Variants in WDR72 observed in about 807,000 individuals in gnomAD.
WDR72 encodes the protein WD repeat-containing protein 72.
WDR72 carries 120 observed loss-of-function variants against 124.2 expected under a neutral mutation model. The ratio of observed to expected loss-of-function variants is 0.97; its 90% confidence interval spans 0.83 to 1.12. The LOEUF is 1.12. Ranked by LOEUF, WDR72 falls within the 50% of genes most tolerant of loss-of-function variation. The pLI is 0.00. For missense variants in WDR72, 1,387 were observed against 1,278.8 expected (o/e 1.08, Z -1.29); for synonymous variants, 452 against 441.7 (o/e 1.02, Z -0.29).
rs1260103177 is a variant in WDR72 at position 53,733,242 on chromosome 15, A to G, written c.-12-81T>C. The G allele has an allele frequency of 2.0e-6, 3 of 1,474,792 alleles. No homozygotes were observed. The African/African-American group carries it at 4.2e-5, about 21-fold the overall frequency. The allele number at this position is 1,474,792 out of a possible 1,614,324, so 91.4% of individuals were successfully genotyped here. On this transcript the variant is annotated intron_variant, in intron 1 of 19. Transcript: ENST00000360509. ...AACCGATAATATTACAAGCAGATTT[A>G]TGATGACCAAACTTCAATGATGTGT...
In WDR72 at chr15:53,615,438, C is replaced by A. The variant is rs767217476; in HGVS notation, c.2768G>T (p.Cys923Phe). 1 of 1,609,896 alleles carries A rather than the reference C, an allele frequency of 6.2e-7. No individual in the cohort carries two copies. The highest frequency in any genetic ancestry group is 1.3e-5 in the African/African-American group (1 of 74,716). The change falls in exon 15 of 20, where the codon TGT becomes TTT. Residue 923 changes from cysteine to phenylalanine, a missense_variant. Physicochemically the swap from Cys to Phe is radical, Grantham distance 205 (BLOSUM62 -2). Transcript: ENST00000360509. ...AGGTATGTCTTACCTGCCAACTCTA[C>A]ATGCCAATTCTAAAGGCATGTTAAC... ...KLVNMPLELA[C>F]RVGSSFRMES...
intron 14 of WDR72, among the ~76,000 whole-genome samples, chr15:53,622,125 C>T (rs906201423): frequency 6.6e-6 from 1 of 151,820 alleles, no homozygotes; most frequent in Non-Finnish European, 1.5e-5. Flanking sequence ...CAAGAAACAA[C>T]AGATAATAGC....
rs530730379 is a variant in WDR72 at position 53,687,141 on chromosome 15, A to G, written c.1765+12609T>C. On this transcript the variant is annotated intron_variant, in intron 13 of 19. Transcript: ENST00000360509. ...TCCAAAATTGACACCCTAACATCAC[A>G]ATTAAAAGAACTAGAAAAGCAAGAG... 3.4e-5 allele frequency among the ~76,000 whole-genome samples: 5 copies of G among 148,908 alleles called. No homozygotes were observed. The South Asian group carries it at 1.1e-3, about 33-fold the overall frequency.
intron 18 of WDR72, among the ~76,000 whole-genome samples, chr15:53,596,428 C>T (rs925043650): frequency 6.6e-6 from 1 of 151,958 alleles, no homozygotes; most frequent in African/African-American, 2.4e-5. Flanking sequence ...TAGGAAGTGA[C>T]AGTGACGAAG....
chr15:53,589,850 A>G (rs1449888920), intron 18 of WDR72, among the ~76,000 whole-genome samples: 1 of 152,058 alleles, frequency 6.6e-6, no homozygotes, highest in Admixed American at 6.6e-5. Context: ...CTACTTTTAG[A>G]AAAGAGCAGT....
chr15:53,694,092 C>T (rs1281879382), intron 13 of WDR72, among the ~76,000 whole-genome samples: 1 of 152,132 alleles, frequency 6.6e-6, no homozygotes, highest in African/African-American at 2.4e-5. Flanking sequence ...GTCTGGAATC[C>T]ACCATGGATA....
chr15:53,695,609 C>T (rs1017898892), intron 13 of WDR72, among the ~76,000 whole-genome samples: 1 of 152,136 alleles, frequency 6.6e-6, no homozygotes, highest in African/African-American at 2.4e-5. Context: ...AACCTGGCAG[C>T]GCCACATTTT....
chr15:53,687,557 G>C (rs1333837394), intron 13 of WDR72, among the ~76,000 whole-genome samples: 3 of 150,768 alleles, frequency 2.0e-5, no homozygotes, highest in Non-Finnish European at 4.4e-5. Context: ...ATCTGAAATT[G>C]TGGCAATAAT....
chr15:53,647,646 GCT>G (rs1318782512), intron 14 of WDR72, among the ~76,000 whole-genome samples: 2 of 152,038 alleles, frequency 1.3e-5, no homozygotes, highest in African/African-American at 4.8e-5. Flanking sequence ...TGCTTCATTA[GCT>G]CTGTCTCTGT....
chr15:53,540,392 G>A (rs894852007), intron 18 of WDR72, among the ~76,000 whole-genome samples: 4 of 152,100 alleles, frequency 2.6e-5, no homozygotes, highest in Non-Finnish European at 5.9e-5. Context: ...AATGGAACTA[G>A]CACAGAAAAC....
At chr15:53,614,202 T>C (rs923095471) in intron 15 of WDR72, among the ~76,000 whole-genome samples, 8 of 152,176 alleles carry the variant, frequency 5.3e-5, no homozygotes, top group African/African-American at 1.7e-4. Flanking sequence ...ATAGGAATCT[T>C]CCGAAACTGC....
At chr15:53,541,203 C>CA (rs1021832061) in intron 18 of WDR72, 4 of 153,120 alleles carry the variant, frequency 2.6e-5, no homozygotes, top group Non-Finnish European at 5.8e-5. Context: ...CACAGACAAA[C>CA]AAAAAGACAG....
rs2017717982 is a variant in WDR72 at position 53,716,641 on chromosome 15, T to G, written c.305A>C (p.Lys102Thr). Reference protein sequence around the residue: ...WNVTNGQCMEKATLPYRHTAI... With the variant: ...WNVTNGQCMETATLPYRHTAI... ...AGTGTGCCTGTAAGGAAGTGTAGCC[T>G]TCTCCATGCACTGTCCATTGGTGAC... The change falls in exon 4 of 20, where the codon AAG becomes ACG. Residue 102 changes from lysine (K) to threonine (T), a missense_variant. Physicochemically the swap from Lys to Thr is moderately conservative, Grantham distance 78 (BLOSUM62 -1). Transcript: ENST00000360509. 1 of 1,610,126 alleles carries G rather than the reference T, an allele frequency of 6.2e-7. No homozygotes were observed. The highest frequency in any genetic ancestry group is 8.5e-7 in the Non-Finnish European group (1 of 1,176,352).
chr15:53,541,304 G>C (rs566012708), intron 18 of WDR72, among the ~76,000 whole-genome samples: 52 of 152,286 alleles, frequency 3.4e-4, no homozygotes, highest in Middle Eastern at 3.4e-3. Flanking sequence ...CTGAGAACGG[G>C]CAGACTGCCT....
chr15:53,708,405 G>A (rs1232445728), intron 9 of WDR72, among the ~76,000 whole-genome samples: 1 of 152,110 alleles, frequency 6.6e-6, no homozygotes, highest in Non-Finnish European at 1.5e-5. Context: ...ATTGGTGTGA[G>A]GATTAATGAG....
intron 3 of WDR72, among the ~76,000 whole-genome samples, chr15:53,720,181 C>A (rs114910950): frequency 0.021 from 3,222 of 151,280 alleles, 115 homozygotes; most frequent in African/African-American, 0.073. Flanking sequence ...TTTTTTATTT[C>A]TTTTGTCTAT....
rs74017472 is a variant in WDR72, at chr15:53,595,964, G to C, written c.3148+1115C>G. 6.4e-3 allele frequency among the ~76,000 whole-genome samples: 970 copies of C among 152,116 alleles called. 9 individuals carry two copies. The highest frequency in any genetic ancestry group is 0.022 in the African/African-American group (928 of 41,522). On this transcript the variant is annotated intron_variant, in intron 18 of 19. Transcript: ENST00000360509. ...CATTAAAACATATTCTACCTGTTTT[G>C]ATCTCTGGCCTTCACTAAATATGCC...
chr15:53,652,024 A>T (rs2015261376), intron 14 of WDR72: 1 of 152,158 alleles, frequency 6.6e-6, no homozygotes, highest in Non-Finnish European at 1.5e-5. Context: ...ATCTGTTTTT[A>T]TCAGTTTAAT....
intron 19 of WDR72, among the ~76,000 whole-genome samples, chr15:53,519,824 T>C (rs1443604346): frequency 1.3e-5 from 2 of 152,068 alleles, no homozygotes; most frequent in African/African-American, 4.8e-5. Flanking sequence ...AATTGTGACC[T>C]ATATGCAGAC....
Sources: allele counts gnomAD v4.1 joint callset (sites outside exome capture counted in the v4.1 genomes callset), GRCh38; gene constraint gnomAD v4.1.1; transcripts MANE v1.5; gene names NCBI Gene and HGNC (gene_info 2026-07-23, HGNC 2026-07-21).